TTC7B: variants seen among roughly 807,000 people sequenced by gnomAD.
The protein encoded by TTC7B is tetratricopeptide repeat domain 7B.
Under a neutral mutation model 106.8 loss-of-function variants are expected in TTC7B, and 28 were observed. The ratio of observed to expected loss-of-function variants is 0.26; its 90% CI spans 0.19 to 0.36. The LOEUF (loss-of-function observed/expected upper bound fraction) is 0.36, where lower values mean the gene tolerates loss of function less well. Among genes scored for constraint, TTC7B ranks in the 10% least tolerant of loss-of-function variants. The pLI is 1.00. For synonymous variants in TTC7B, 405 were observed against 430.6 expected (o/e 0.94, Z 0.74); for missense variants, 862 against 1,076.4 (o/e 0.80, Z 2.79).
intron 18 of TTC7B, among the ~76,000 whole-genome samples, chr14:90,589,253 A>T (rs1891852658): frequency 6.6e-6 from 1 of 152,194 alleles, no homozygotes. Context: ...TATCTTACAG[A>T]TAAAAAAAAA....
rs185221812 is a variant in TTC7B, at chr14:90,525,965, A to C, written c.*15403T>G. The C allele has an allele frequency of 6.4e-5, 9 of 140,466 alleles. No homozygotes were observed. The highest frequency in any genetic ancestry group is 4.8e-4 in the Admixed American group (7 of 14,598). 8.7% of individuals were successfully genotyped at this position (140,466 alleles called of 1,614,324 possible). A position where few individuals can be genotyped will look rare whatever the true frequency, so the allele number is the denominator to read the frequency against. On this transcript the variant is annotated 3_prime_UTR_variant, in exon 20 of 20. Transcript: ENST00000328459. ...ACAGAGTTGCGATTGGTTAAAAAAT[A>C]AAAAAAAATAAAAAAAATAAAAAAA...
chr14:90,767,295 A>T (rs1890722723), intron 3 of TTC7B, among the ~76,000 whole-genome samples: 1 of 152,202 alleles, frequency 6.6e-6, no homozygotes, highest in Non-Finnish European at 1.5e-5. Flanking sequence ...AGGGCTTCAA[A>T]GGCAAACTTG....
intron 1 of TTC7B, among the ~76,000 whole-genome samples, chr14:90,789,234 G>A (rs1234646366): frequency 1.3e-5 from 2 of 152,032 alleles, no homozygotes; most frequent in East Asian, 3.9e-4. Flanking sequence ...GAGTAGCTGG[G>A]ATTACAGGCA....
intron 5 of TTC7B, among the ~76,000 whole-genome samples, chr14:90,696,346 T>G (rs1887746721): frequency 6.6e-6 from 1 of 152,234 alleles, no homozygotes; most frequent in Non-Finnish European, 1.5e-5. Context: ...TCCAGCCTGC[T>G]GAGCTGGGAA....
chr14:90,804,663 C>T (rs1434355620), intron 1 of TTC7B, among the ~76,000 whole-genome samples: 1 of 152,234 alleles, frequency 6.6e-6, no homozygotes, highest in Non-Finnish European at 1.5e-5. Context: ...GCCTGAGACT[C>T]AGTGGCGAGT....
At chr14:90,674,773 C>T (rs1177808563) in intron 9 of TTC7B, among the ~76,000 whole-genome samples, 1 of 152,190 alleles carries the variant, frequency 6.6e-6, no homozygotes, top group Non-Finnish European at 1.5e-5. Flanking sequence ...GGGGGAGATA[C>T]AGTAACAAAT....
chr14:90,572,871 C>T (rs921646592), intron 19 of TTC7B, among the ~76,000 whole-genome samples: 15 of 152,180 alleles, frequency 9.9e-5, no homozygotes, highest in Non-Finnish European at 2.2e-4. Flanking sequence ...CACTCCCAAC[C>T]CACCACACCT....
At position 90,540,348 on chromosome 14, in the gene TTC7B, A is replaced by C. The variant is rs1462156274; in HGVS notation, c.*1020T>G. 1 of 152,226 alleles carries C rather than the reference A, an allele frequency of 6.6e-6. No homozygotes were observed. Among genetic ancestry groups the C allele is most frequent in the African/African-American group, 2.4e-5 (1 of 41,448 alleles). 9.4% of individuals were successfully genotyped at this position (152,226 alleles called of 1,614,324 possible). On this transcript the variant is annotated 3_prime_UTR_variant, in exon 20 of 20. Coordinates refer to ENST00000328459, the MANE Select transcript of TTC7B (RefSeq NM_001010854.2). ...GAGGCTGAGGTGGGAGGATCACCTG[A>C]ACCTGGGAAGTCGAGGCTGCAGTGA...
At chr14:90,685,560 G>T (rs1295446537) in intron 7 of TTC7B, among the ~76,000 whole-genome samples, 1 of 152,088 alleles carries the variant, frequency 6.6e-6, no homozygotes, top group Admixed American at 6.6e-5. Flanking sequence ...CCCAAAGTTG[G>T]TTCCTCAAAA....
At chr14:90,598,213 G>A (rs1361798164) in intron 17 of TTC7B, among the ~76,000 whole-genome samples, 2 of 152,208 alleles carry the variant, frequency 1.3e-5, no homozygotes, top group African/African-American at 4.8e-5. Context: ...GGCTGACGTA[G>A]GCAGGTGAGA....
chr14:90,546,392 C>T (rs1889831066), intron 19 of TTC7B, among the ~76,000 whole-genome samples: 1 of 152,268 alleles, frequency 6.6e-6, no homozygotes, highest in African/African-American at 2.4e-5. Flanking sequence ...AGGCCTAACT[C>T]CTGAGGTTGG....
In TTC7B at chr14:90,539,548, C is replaced by G. The variant is rs1032763032; in HGVS notation, c.*1820G>C. The G allele has an allele frequency of 6.6e-6, 1 of 152,584 alleles. No homozygotes were observed. The highest frequency in any genetic ancestry group is 2.1e-4 in the South Asian group (1 of 4,838). 9.5% of individuals were successfully genotyped at this position (152,584 alleles called of 1,614,324 possible). ...TCAGTGCTGAGGCTGGGGCTCCTACCTACTGTCTCTCCCTCCTTGGCTGCC... is the reference window on the plus strand; with the variant it reads ...TCAGTGCTGAGGCTGGGGCTCCTACGTACTGTCTCTCCCTCCTTGGCTGCC... On this transcript the variant is annotated 3_prime_UTR_variant, in exon 20 of 20. Coordinates refer to ENST00000328459, the MANE Select transcript of TTC7B (RefSeq NM_001010854.2).
At chr14:90,792,304 C>T (rs1891613155) in intron 1 of TTC7B, among the ~76,000 whole-genome samples, 1 of 152,056 alleles carries the variant, frequency 6.6e-6, no homozygotes, top group Non-Finnish European at 1.5e-5. Flanking sequence ...GGGCAGGGTG[C>T]GGTGGCTCAC....
At chr14:90,686,819 A>C (rs1390452629) in intron 7 of TTC7B, among the ~76,000 whole-genome samples, 2 of 152,272 alleles carry the variant, frequency 1.3e-5, no homozygotes, top group Non-Finnish European at 2.9e-5. Context: ...AAAGAAATAC[A>C]AGCTTTATAT....
At chr14:90,796,141 C>T (rs548199524) in intron 1 of TTC7B, among the ~76,000 whole-genome samples, 11 of 152,304 alleles carry the variant, frequency 7.2e-5, no homozygotes, top group South Asian at 2.1e-4. Flanking sequence ...TGGGTGACCC[C>T]GGCCCACTTA....
Position 90,577,130 on chromosome 14 carries a change from T to G in TTC7B, c.2310+976A>C, listed in dbSNP as rs550961957. On this transcript the variant is annotated intron_variant, in intron 19 of 19. Coordinates refer to ENST00000328459, the MANE Select transcript of TTC7B (RefSeq NM_001010854.2). The surrounding 1 kb of genome is among the most constrained non-coding windows in gnomAD (Gnocchi z 5.0). The stretch of plus-strand genomic sequence containing the variant: ...GTGCGGACACGAAGGGCCCTGAGCT[T>G]TATAATAAAAGGCTCTTCTTTCCTG... 6.6e-6 allele frequency among the ~76,000 whole-genome samples: 1 copy of G among 152,274 alleles called. No individual in the cohort carries two copies. The highest frequency in any genetic ancestry group is 1.5e-5 in the Non-Finnish European group (1 of 68,014).
Position 90,805,103 on chromosome 14 carries a change from G to C in TTC7B, c.121+11072C>G, listed in dbSNP as rs886777889. On this transcript the variant is annotated intron_variant, in intron 1 of 19. Coordinates refer to ENST00000328459, the MANE Select transcript of TTC7B (RefSeq NM_001010854.2). This position sits in a 1 kb window ranked among gnomAD's most constrained non-coding sequence, Gnocchi z 4.0. ...AGTCTTCGGCGTGGGACCAGGTCTC[G>C]GGTGGACGCCCACAGCCACTCCCAG... Among the ~76,000 whole-genome samples the C allele has an allele frequency of 6.6e-6, 1 of 151,958 alleles. No homozygotes were observed. Among genetic ancestry groups the C allele is most frequent in the Non-Finnish European group, 1.5e-5 (1 of 67,950 alleles).
chr14:90,688,553 G>A (rs1332583942), intron 7 of TTC7B, among the ~76,000 whole-genome samples: 2 of 146,884 alleles, frequency 1.4e-5, no homozygotes, highest in African/African-American at 2.5e-5. Context: ...AACCCAGGAG[G>A]TGGAGGTTGC....
Position 90,571,068 on chromosome 14 carries a change from A to C in TTC7B, c.2310+7038T>G, listed in dbSNP as rs1472902996. 2.0e-5 allele frequency among the ~76,000 whole-genome samples: 3 copies of C among 152,200 alleles called. No homozygotes were observed. The East Asian group carries it at 5.8e-4, about 29-fold the overall frequency. On this transcript the variant is annotated intron_variant, in intron 19 of 19. Coordinates refer to ENST00000328459, the MANE Select transcript of TTC7B (RefSeq NM_001010854.2). ...TGCTTCTGCTCCTAACTTACAGGTG[A>C]CCTGGGGCAGGTGACCAACAGCAGG...
Sources: gnomAD v4.1 joint callset for allele counts (sites outside exome capture counted in the v4.1 genomes callset) on GRCh38, gnomAD v4.1.1 for gene constraint, Gnocchi (gnomAD v3.1) non-coding constraint, MANE v1.5 for transcripts, NCBI Gene and HGNC (gene_info 2026-07-23, HGNC 2026-07-21) for gene names.